Variants in TCHP observed in about 807,000 individuals in gnomAD.
The protein encoded by TCHP is trichoplein keratin filament binding, also known as trichoplein keratin filament-binding protein.
Under a neutral mutation model 88.7 loss-of-function variants are expected in TCHP, and 81 were observed. That is an observed-to-expected ratio of 0.91 (90% CI 0.76 to 1.10). The LOEUF is 1.10. TCHP is among the 50% of genes least tolerant of loss of function. TCHP has a pLI of 0.00. For synonymous variants in TCHP, 232 were observed against 232.5 expected, an observed-to-expected ratio of 1.00 and a Z score of 0.02; for missense variants, 641 against 632.1, an observed-to-expected ratio of 1.01 and a Z score of -0.15.
the TCHP span, among the ~76,000 whole-genome samples, chr12:109,893,559 C>T: frequency 6.6e-6 from 1 of 152,014 alleles, no homozygotes; most frequent in Non-Finnish European, 1.5e-5. Context: ...CCAAAGTGTC[C>T]CATGACCCAT....
rs1257131958 is a variant in TCHP at position 109,911,165 on chromosome 12, A to T, written c.982A>T (p.Met328Leu). Residue 328 changes from methionine to leucine, a missense_variant, in exon 9 of 13, where the codon ATG becomes TTG. Met to Leu is a conservative substitution (Grantham distance 15, BLOSUM62 2). Coordinates refer to ENST00000405876, the MANE Select transcript of TCHP (RefSeq NM_001143852.2). Reference sequence around the variant, plus strand: ...GCAGGTCATGGCCGATGTGGCCTGGATGAAGCAGGCCATTGAGGAGCAGCT... The same window carrying T: ...GCAGGTCATGGCCGATGTGGCCTGGTTGAAGCAGGCCATTGAGGAGCAGCT... ...REQVMADVAW[M>L]KQAIEEQLQL... is the part of the protein sequence containing the mutation. 2 of 1,595,080 alleles carry T rather than the reference A, an allele frequency of 1.3e-6. No individual in the cohort carries two copies. Among genetic ancestry groups the T allele is most frequent in the African/African-American group, 2.7e-5 (2 of 74,748 alleles).
intron 11 of TCHP, 116 bp downstream of exon 11, chr12:109,914,743 C>A: frequency 1.3e-6 from 1 of 789,290 alleles, no homozygotes; most frequent in Non-Finnish European, 2.0e-6. Context: ...TTTGAGAGCA[C>A]GGTGCTCCCG....
the TCHP span, among the ~76,000 whole-genome samples, chr12:109,893,729 A>T: frequency 1.3e-5 from 2 of 152,166 alleles, no homozygotes; most frequent in South Asian, 2.1e-4. Context: ...GGTCGAGTGA[A>T]ACACAGAGGG....
intron 3 of TCHP, 48 bp from the exon 4 acceptor site, chr12:109,904,689 G>A (rs1166630868): frequency 1.3e-6 from 2 of 1,580,160 alleles, no homozygotes; most frequent in South Asian, 2.3e-5. Flanking sequence ...AAATGTGAAT[G>A]GATTTGAAAA....
At chr12:109,887,038 T>C in the TCHP span, among the ~76,000 whole-genome samples, 124 of 152,290 alleles carry the variant, frequency 8.1e-4, no homozygotes, top group Non-Finnish European at 1.0e-3. Context: ...GGGTGTCCCT[T>C]CTCCTAGATT....
At chr12:109,896,955 T>G (rs1472291984), upstream of TCHP, among the ~76,000 whole-genome samples, 2 of 152,114 alleles carry the variant, frequency 1.3e-5, no homozygotes, top group Non-Finnish European at 2.9e-5. Flanking sequence ...TATAGATAGA[T>G]AGATAGAGTG....
intron 7 of TCHP, 35 bp downstream of exon 7, chr12:109,908,733 C>T (rs558338112): frequency 1.9e-5 from 30 of 1,561,986 alleles, no homozygotes; most frequent in South Asian, 3.5e-5. Context: ...TCTTCCCAGG[C>T]GGGTGGGCCT....
chr12:109,908,734 G>C, intron 7 of TCHP, 36 bp downstream of exon 7: 1 of 1,565,672 alleles, frequency 6.4e-7, no homozygotes, highest in Non-Finnish European at 8.7e-7. Context: ...CTTCCCAGGC[G>C]GGTGGGCCTC....
At chr12:109,890,653 G>C in the TCHP span, among the ~76,000 whole-genome samples, 3 of 151,998 alleles carry the variant, frequency 2.0e-5, no homozygotes, top group African/African-American at 7.2e-5. Context: ...GGGACTACAG[G>C]TGCATGCCAC....
At chr12:109,880,898 AC>A in the TCHP span, among the ~76,000 whole-genome samples, 1 of 152,084 alleles carries the variant, frequency 6.6e-6, no homozygotes, top group Non-Finnish European at 1.5e-5. This position sits in a 1 kb window ranked among gnomAD's most constrained non-coding sequence, Gnocchi z 5.1. Flanking sequence ...TACCCCAGTA[AC>A]CCCAAGTGAC....
the TCHP span, among the ~76,000 whole-genome samples, chr12:109,894,073 A>G: frequency 6.6e-6 from 1 of 151,988 alleles, no homozygotes; most frequent in Non-Finnish European, 1.5e-5. Context: ...AATCTCAGCT[A>G]CTCAGGGAGG....
At chr12:109,891,810 A>G in the TCHP span, among the ~76,000 whole-genome samples, 44 of 151,864 alleles carry the variant, frequency 2.9e-4, no homozygotes, top group African/African-American at 1.0e-3. Flanking sequence ...CTCAGGTTCA[A>G]ATGATTCTCC....
rs373850905 is a variant in TCHP at position 109,911,205 on chromosome 12, C to T, written c.1022C>T (p.Ala341Val). ...GAGGAGCAGCTGCAGCTGGAGCGGG[C>T]GCGGGAGGCAGAGCTGCAGATGCTG... ...AIEEQLQLER[A>V]REAELQMLLR... is the part of the protein sequence containing the mutation. The change falls in exon 9 of 13, where the codon GCG (alanine) becomes GTG (valine). Residue 341 changes from alanine (A) to valine (V), a missense_variant. Ala to Val is a moderately conservative substitution (Grantham distance 64, BLOSUM62 0). Transcript: ENST00000405876. 204 of 1,584,012 alleles carry T rather than the reference C, an allele frequency of 1.3e-4. No homozygotes were observed. Among genetic ancestry groups the T allele is most frequent in the Admixed American group, 8.7e-4 (48 of 55,226 alleles).
At chr12:109,907,755 G>A in intron 6 of TCHP, 56 bp downstream of exon 6, 1 of 1,538,168 alleles carries the variant, frequency 6.5e-7, no homozygotes, top group Admixed American at 2.0e-5. Flanking sequence ...GTTAGCATGA[G>A]ATGGGCACTT....
chr12:109,908,494 A>G (rs544331746), intron 6 of TCHP, 92 bp from the exon 7 acceptor site: 1 of 1,043,014 alleles, frequency 9.6e-7, no homozygotes, highest in East Asian at 2.6e-5. Flanking sequence ...CTGTTGGTGT[A>G]GTGTCTGCGA....
intron 8 of TCHP, among the ~76,000 whole-genome samples, chr12:109,910,639 G>C (rs1345879806): frequency 6.6e-6 from 1 of 152,202 alleles, no homozygotes; most frequent in African/African-American, 2.4e-5. Context: ...GATGTACATA[G>C]TAGCTAATTC....
At position 109,903,228 on chromosome 12, in the gene TCHP, A is replaced by G; in HGVS notation, c.188+14A>G. The G allele has an allele frequency of 1.3e-6, 2 of 1,599,116 alleles. No homozygotes were observed. The highest frequency in any genetic ancestry group is 1.1e-5 in the South Asian group (1 of 89,412). On this transcript the variant is annotated intron_variant, in intron 2 of 12. Coordinates refer to ENST00000405876, the MANE Select transcript of TCHP (RefSeq NM_001143852.2). This position sits in a 1 kb window ranked among gnomAD's most constrained non-coding sequence, Gnocchi z 4.6. The stretch of plus-strand genomic sequence containing the variant: ...CTACCAGCGGAGGTAATTGTGCGGT[A>G]ACTGCCGATTGGATGGAAGTGGGGA...
rs928640925 is a variant in TCHP, at chr12:109,917,794, C to T, written c.*1171C>T. ...TCACATTATGTTCAAGATTCCATAT[C>T]TCCGTAAATTACAGCTAATTACAGG... On this transcript the variant is annotated 3_prime_UTR_variant, in exon 13 of 13. Coordinates refer to ENST00000405876, the MANE Select transcript of TCHP (RefSeq NM_001143852.2). The T allele has an allele frequency of 2.0e-5, 3 of 152,604 alleles. No homozygotes were observed. Among genetic ancestry groups the T allele is most frequent in the African/African-American group, 7.2e-5 (3 of 41,434 alleles). The allele number at this position is 152,604 out of a possible 1,614,324, so 9.5% of individuals were successfully genotyped here.
chr12:109,893,701 A>G, the TCHP span, among the ~76,000 whole-genome samples: 1 of 152,172 alleles, frequency 6.6e-6, no homozygotes, highest in Non-Finnish European at 1.5e-5. Context: ...AGGGGTGAGC[A>G]TTGAGTTCAG....
Sources: allele counts gnomAD v4.1 joint callset (sites outside exome capture counted in the v4.1 genomes callset), GRCh38; gene constraint gnomAD v4.1.1; non-coding constraint Gnocchi (gnomAD v3.1); transcripts MANE v1.5; gene names NCBI Gene and HGNC (gene_info 2026-07-23, HGNC 2026-07-21).